Variants in CADM1 observed in about 807,000 individuals in gnomAD.
CADM1 encodes cell adhesion molecule 1.
A neutral mutation model predicts 53.1 loss-of-function variants in CADM1; 15 were observed. The observed-to-expected ratio is 0.28, with a 90% confidence interval of 0.19 to 0.44. The LOEUF (loss-of-function observed/expected upper bound fraction) is 0.44. Ranked by LOEUF, CADM1 falls within the 20% of genes least tolerant of loss-of-function variation. The pLI, the probability that CADM1 is intolerant of heterozygous loss-of-function variation, is 1.00. For synonymous variants in CADM1, 281 were observed against 243.0 expected (o/e 1.16, Z -1.45); for missense variants, 434 against 611.3 (o/e 0.71, Z 3.06).
chr11:115,371,460 GGAAT>G (rs1946305013), intron 1 of CADM1, among the ~76,000 whole-genome samples: 1 of 151,014 alleles, frequency 6.6e-6, no homozygotes, highest in South Asian at 2.1e-4. Context: ...GAGATAAACT[GGAAT>G]AATAAACAAT....
chr11:115,338,885 T>A (rs1251689078), intron 1 of CADM1, among the ~76,000 whole-genome samples: 2 of 128,700 alleles, frequency 1.6e-5, no homozygotes, highest in East Asian at 4.0e-4. Flanking sequence ...TTATTTTTTT[T>A]TTTTTAATTT....
chr11:115,463,901 T>C (rs1223788209), intron 1 of CADM1, among the ~76,000 whole-genome samples: 2 of 151,816 alleles, frequency 1.3e-5, no homozygotes, highest in Non-Finnish European at 2.9e-5. Context: ...TCTATAGAAA[T>C]AGATCCTCAG....
chr11:115,304,997 C>T (rs991800457), intron 1 of CADM1, among the ~76,000 whole-genome samples: 2 of 151,942 alleles, frequency 1.3e-5, no homozygotes, highest in African/African-American at 4.8e-5. Context: ...TCCTCTTAGT[C>T]ACAAGTACAA....
At chr11:115,395,483 A>G (rs1184037015) in intron 1 of CADM1, among the ~76,000 whole-genome samples, 1 of 152,210 alleles carries the variant, frequency 6.6e-6, no homozygotes, top group Non-Finnish European at 1.5e-5. Flanking sequence ...TTATAGAGGT[A>G]CATGGCATAT....
At chr11:115,479,459 C>A (rs1287944087) in intron 1 of CADM1, among the ~76,000 whole-genome samples, 1 of 152,080 alleles carries the variant, frequency 6.6e-6, no homozygotes, top group African/African-American at 2.4e-5. Flanking sequence ...ACACATAGAG[C>A]TTCAGAACCC....
chr11:115,251,407 G>A (rs1322531697), intron 1 of CADM1, among the ~76,000 whole-genome samples: 1 of 150,676 alleles, frequency 6.6e-6, no homozygotes, highest in Non-Finnish European at 1.5e-5. Flanking sequence ...TGGACTCAGA[G>A]TGAATGTCAG....
intron 3 of CADM1, 117 bp downstream of exon 3, chr11:115,238,383 G>T: frequency 8.8e-7 from 1 of 1,130,330 alleles, no homozygotes; most frequent in Non-Finnish European, 1.3e-6. Flanking sequence ...AAGATGGGCG[G>T]TGATTCTTCC....
chr11:115,324,997 T>C (rs546021921), intron 1 of CADM1, among the ~76,000 whole-genome samples: 2 of 152,316 alleles, frequency 1.3e-5, no homozygotes, highest in Admixed American at 1.3e-4. Flanking sequence ...ATTAACAGTA[T>C]GAACAGCTTC....
intron 1 of CADM1, among the ~76,000 whole-genome samples, chr11:115,250,257 C>T (rs1157750841): frequency 1.3e-5 from 2 of 152,148 alleles, no homozygotes; most frequent in African/African-American, 4.8e-5. Context: ...CAACCTCATC[C>T]TCAAGTCTCA....
chr11:115,169,242 TAGC>T lies in CADM1; in HGVS notation c.*7229_*7231del. 1 of 120,724 alleles carries T rather than the reference TAGC, an allele frequency of 8.3e-6. No individual in the cohort carries two copies. The highest frequency in any genetic ancestry group is 1.8e-5 in the Non-Finnish European group (1 of 54,674). The allele number at this position is 120,724 out of a possible 1,614,324, so 7.5% of individuals were successfully genotyped here. A position where few individuals can be genotyped will look rare whatever the true frequency, so the allele number is the denominator to read the frequency against. On this transcript the variant is annotated 3_prime_UTR_variant, in exon 12 of 12. Coordinates refer to ENST00000331581, the MANE Select transcript of CADM1 (RefSeq NM_001301043.2). ...TTTTTTTTTTTTTTTTTTTAAGGCA[TAGC>T]CTTTGTAACTGAAGCCAGATAGAGA...
At chr11:115,497,386 G>GT (rs1457512390) in intron 1 of CADM1, among the ~76,000 whole-genome samples, 2 of 152,110 alleles carry the variant, frequency 1.3e-5, no homozygotes, top group Admixed American at 1.3e-4. Context: ...GTCATAACAG[G>GT]TTTTTCTCAG....
chr11:115,252,605 A>C (rs898458885), intron 1 of CADM1, among the ~76,000 whole-genome samples: 2 of 152,234 alleles, frequency 1.3e-5, no homozygotes, highest in African/African-American at 4.8e-5. Context: ...ACAGCATTAA[A>C]AACATGACTT....
rs532784474 is a variant in CADM1, at chr11:115,175,021, T to C, written c.*1453A>G. 3.0e-6 allele frequency: 3 copies of C among 985,910 alleles called. No homozygotes were observed. In the South Asian group the frequency reaches 1.4e-4, roughly 46 times the overall value. The allele number at this position is 985,910 out of a possible 1,614,324, so 61.1% of individuals were successfully genotyped here. Reference sequence around the variant, plus strand: ...TAGCTATGCACTATGGCTGCCATCATGCGAGGATCAGTAATTTTTGGCAGA... The same window carrying C: ...TAGCTATGCACTATGGCTGCCATCACGCGAGGATCAGTAATTTTTGGCAGA... On this transcript the variant is annotated 3_prime_UTR_variant, in exon 12 of 12. Transcript: ENST00000331581.
chr11:115,413,644 C>CT (rs71066424), intron 1 of CADM1, among the ~76,000 whole-genome samples: 1,530 of 120,868 alleles, frequency 0.013, 79 homozygotes, highest in Non-Finnish European at 0.016. Flanking sequence ...CAGCTCAGTT[C>CT]TTTTTTTTTT....
At chr11:115,403,520 G>A (rs948623818) in intron 1 of CADM1, among the ~76,000 whole-genome samples, 3 of 152,126 alleles carry the variant, frequency 2.0e-5, no homozygotes, top group Admixed American at 1.3e-4. Flanking sequence ...TAGATGAAAC[G>A]TCTATGGGAA....
intron 8 of CADM1, among the ~76,000 whole-genome samples, chr11:115,203,442 A>G (rs1194770306): frequency 6.6e-6 from 1 of 152,176 alleles, no homozygotes; most frequent in Non-Finnish European, 1.5e-5. Context: ...TGTAAGTTGT[A>G]GCACATTTTT....
At chr11:115,393,066 CAAAAAAAAAA>C (rs758785520) in intron 1 of CADM1, among the ~76,000 whole-genome samples, 2 of 50,218 alleles carry the variant, frequency 4.0e-5, no homozygotes, top group Non-Finnish European at 7.6e-5. Flanking sequence ...CCATCTCTTC[CAAAAAAAAAA>C]AAAAAAAAAA....
At chr11:115,253,162 C>T (rs926362052) in intron 1 of CADM1, among the ~76,000 whole-genome samples, 4 of 152,206 alleles carry the variant, frequency 2.6e-5, no homozygotes, top group Admixed American at 2.0e-4. Context: ...AGGCTACATT[C>T]AAAGCTGTCC....
chr11:115,334,943 T>G (rs1005234652), intron 1 of CADM1, among the ~76,000 whole-genome samples: 5 of 152,290 alleles, frequency 3.3e-5, no homozygotes, highest in South Asian at 2.1e-4. Context: ...AATTAATATT[T>G]TTGGCACATA....
Sources: gnomAD v4.1 joint callset for allele counts (sites outside exome capture counted in the v4.1 genomes callset) on GRCh38, gnomAD v4.1.1 for gene constraint, MANE v1.5 for transcripts, NCBI Gene and HGNC (gene_info 2026-07-23, HGNC 2026-07-21) for gene names.